The following GDF5 variants were observed in gnomAD, a reference collection of about 807,000 sequenced individuals.
The protein encoded by GDF5 is growth differentiation factor 5.
GDF5 carries 17 observed loss-of-function variants against 34.6 expected under a neutral mutation model. The observed-to-expected ratio is 0.49, with a 90% CI of 0.34 to 0.74. The LOEUF is 0.74. Ranked by LOEUF, GDF5 falls within the 30% of genes least tolerant of loss-of-function variation. The pLI is 0.01. For missense variants in GDF5, 616 were observed against 661.2 expected (o/e 0.93, Z 0.75); for synonymous variants, 332 against 290.7 (o/e 1.14, Z -1.44).
At chr20:35,441,799 C>A (rs1467429530), upstream of GDF5, among the ~76,000 whole-genome samples, 1 of 151,996 alleles carries the variant, frequency 6.6e-6, no homozygotes, top group Non-Finnish European at 1.5e-5. Context: ...CAACTAGACT[C>A]TGGGTTTTGT....
Position 35,434,312 on chromosome 20 carries a change from G to T in GDF5, c.1103C>A (p.Thr368Asn). The T allele has an allele frequency of 1.2e-6, 2 of 1,614,152 alleles. No homozygotes were observed. The highest frequency in any genetic ancestry group is 1.7e-6 in the Non-Finnish European group (2 of 1,180,040). The change falls in exon 2 of 2, where the codon ACC becomes AAC. Residue 368 changes from threonine to asparagine, a missense_variant. By Grantham distance (65) the Thr-to-Asn change is moderately conservative (BLOSUM62 0). Coordinates refer to ENST00000374369, the MANE Select transcript of GDF5 (RefSeq NM_000557.5). ...IKARSGQDDKTVYEYLFSQRR... is the reference protein window; with the variant it reads ...IKARSGQDDKNVYEYLFSQRR... ...CTGGCTGAACAGGTACTCATACACG[G>T]TCTTATCGTCCTGGCCAGAGCGGGC... is the stretch of plus-strand genomic sequence containing the variant.
chr20:35,439,982 T>A (rs2062492723), upstream of GDF5, among the ~76,000 whole-genome samples: 1 of 132,500 alleles, frequency 7.5e-6, no homozygotes, highest in Non-Finnish European at 1.6e-5. Flanking sequence ...AGTGGTGCGA[T>A]CTTGGCTCAC....
chr20:35,450,645 C>T (rs1292799195), intron 1 of GDF5, among the ~76,000 whole-genome samples: 1 of 152,112 alleles, frequency 6.6e-6, no homozygotes, highest in Non-Finnish European at 1.5e-5. Flanking sequence ...TGGCCCCTCT[C>T]CTGCAGTTCC....
intron 1 of GDF5, among the ~76,000 whole-genome samples, chr20:35,449,079 C>T (rs1404576214): frequency 6.6e-6 from 1 of 152,194 alleles, no homozygotes; most frequent in African/African-American, 2.4e-5. Flanking sequence ...TAGCATGCTG[C>T]TGTGCCTTTG....
At position 35,438,222 on chromosome 20, in the gene GDF5, C is replaced by A; in HGVS notation, c.-294G>T. ...AAAGCCGACCGCCCCCTTTCTCCTGCACAACTGACTGAGGGCTTGAAGGAG... is the reference window on the plus strand; with the variant it reads ...AAAGCCGACCGCCCCCTTTCTCCTGAACAACTGACTGAGGGCTTGAAGGAG... On this transcript the variant is annotated 5_prime_UTR_variant, in exon 1 of 2. Transcript: ENST00000374369. 3 of 477,018 alleles carry A rather than the reference C, an allele frequency of 6.3e-6. No homozygotes were observed. Among genetic ancestry groups the A allele is most frequent in the Non-Finnish European group, 1.2e-5 (3 of 260,152 alleles). 29.5% of individuals were successfully genotyped at this position (477,018 alleles called of 1,614,324 possible).
At position 35,434,414 on chromosome 20, in the gene GDF5, C is replaced by T. The variant is rs199576926; in HGVS notation, c.1001G>A (p.Arg334Gln). 2.5e-6 allele frequency: 4 copies of T among 1,613,460 alleles called. No homozygotes were observed. The highest frequency in any genetic ancestry group is 2.2e-5 in the East Asian group (1 of 44,886). Residue 334 changes from arginine (R) to glutamine (Q), a missense_variant, in exon 2 of 2, where the codon CGG (arginine) becomes CAG (glutamine). By Grantham distance (43) the Arg-to-Gln change is conservative. Transcript: ENST00000374369. ...LRGLGFDRAARQVHEKALFLV... is the reference protein window; with the variant it reads ...LRGLGFDRAAQQVHEKALFLV... ...GAACAGGGCTTTCTCGTGGACCTGC[C>T]GGGCGGCGCGGTCGAAGCCCAGGCC...
chr20:35,443,967 G>A (rs1463302238), intron 1 of GDF5, among the ~76,000 whole-genome samples: 1 of 152,142 alleles, frequency 6.6e-6, no homozygotes, highest in Non-Finnish European at 1.5e-5. Flanking sequence ...CTCTCCGGGA[G>A]TCAGTCCTGC....
chr20:35,434,274 G>T lies in GDF5; in HGVS notation c.1141C>A (p.Arg381=). ...CCCTGGCGAGTGGCCAGTGGGGCCCGCCGTTTTCGCCGCTGGCTGAACAGG... is the reference window on the plus strand; with the variant it reads ...CCCTGGCGAGTGGCCAGTGGGGCCCTCCGTTTTCGCCGCTGGCTGAACAGG... ...EYLFSQRRKR[R]APLATRQGKR... The change falls in exon 2 of 2, where the codon CGG becomes AGG. Residue 381 remains arginine (R), a synonymous_variant. Coordinates refer to ENST00000374369, the MANE Select transcript of GDF5 (RefSeq NM_000557.5). 1 of 1,614,154 alleles carries T rather than the reference G, an allele frequency of 6.2e-7. No homozygotes were observed. Among genetic ancestry groups the T allele is most frequent in the Non-Finnish European group, 8.5e-7 (1 of 1,180,038 alleles).
rs2062453492 is a variant in GDF5, at chr20:35,433,777, G to T, written c.*132C>A. 2.4e-6 allele frequency: 2 copies of T among 830,826 alleles called. No individual in the cohort carries two copies. Among genetic ancestry groups the T allele is most frequent in the Non-Finnish European group, 4.2e-6 (2 of 476,800 alleles). 51.5% of individuals were successfully genotyped at this position (830,826 alleles called of 1,614,324 possible). The stretch of plus-strand genomic sequence containing the variant: ...CAAGTCACACTCAGAGAGCGAGCAA[G>T]CTTATTGGAATCCCCTTTCACCCAA... On this transcript the variant is annotated 3_prime_UTR_variant, in exon 2 of 2. Coordinates refer to ENST00000374369, the MANE Select transcript of GDF5 (RefSeq NM_000557.5).
Position 35,443,286 on chromosome 20 carries a change from A to G in GDF5, c.-397-1899T>C, listed in dbSNP as rs552793824. On this transcript the variant is annotated intron_variant, in intron 1 of 3. Transcript: ENST00000374372. ...CCGACATGTTTAATTACTGGGACAC[A>G]GCGTCCCTGGGTCCCCCGTGTCCCC... Among the ~76,000 whole-genome samples the G allele has an allele frequency of 1.8e-3, 269 of 152,230 alleles. No homozygotes were observed. In the Middle Eastern group the frequency reaches 0.02, roughly 12 times the overall value.
At chr20:35,442,537 C>CTTTT (rs57668486), upstream of GDF5, among the ~76,000 whole-genome samples, 3 of 118,920 alleles carry the variant, frequency 2.5e-5, no homozygotes, top group Admixed American at 9.8e-5. Flanking sequence ...TGATACCCGT[C>CTTTT]TTTTTTTTTT....
intron 1 of GDF5, among the ~76,000 whole-genome samples, chr20:35,445,596 G>A (rs548940231): frequency 2.0e-5 from 3 of 152,108 alleles, no homozygotes; most frequent in East Asian, 3.9e-4. Flanking sequence ...CCCAGGAAGC[G>A]GAGGTTGCAG....
intron 1 of GDF5, among the ~76,000 whole-genome samples, chr20:35,443,303 C>T (rs1226279072): frequency 1.3e-5 from 2 of 152,056 alleles, no homozygotes; most frequent in Non-Finnish European, 2.9e-5. Flanking sequence ...CTGGGTCCCC[C>T]GTGTCCCCCA....
upstream of GDF5, chr20:35,441,359 C>G (rs1185948151): frequency 2.0e-5 from 3 of 151,988 alleles, no homozygotes; most frequent in African/African-American, 7.3e-5. Flanking sequence ...CAAGACCATC[C>G]TGGCTAACAT....
At chr20:35,436,182 A>G (rs224333) in intron 1 of GDF5, among the ~76,000 whole-genome samples, 72,472 of 151,984 alleles carry the variant, frequency 0.48, 21,150 homozygotes, top group East Asian at 0.72. Flanking sequence ...TAAACTCCCC[A>G]TCTCCCCCTC....
chr20:35,438,384 A>ACACACACACACT, upstream of GDF5: 1 of 189,744 alleles, frequency 5.3e-6, no homozygotes, highest in East Asian at 1.3e-4. Flanking sequence ...ACACACACAC[A>ACACACACACACT]CACACACTCA....
intron 1 of GDF5, chr20:35,454,029 T>A (rs987350330): frequency 1.9e-6 from 1 of 534,070 alleles, no homozygotes; most frequent in African/African-American, 1.9e-5. Context: ...GTTTAGGGAT[T>A]CTCTGGGGGT....
chr20:35,434,889 C>T (rs779952506), intron 1 of GDF5, 106 bp from the exon 2 acceptor site: 1 of 1,144,054 alleles, frequency 8.7e-7, no homozygotes, highest in Non-Finnish European at 1.3e-6. Context: ...AGAGAGCTTT[C>T]TTTCACCTCT....
In GDF5 at chr20:35,433,756, T is replaced by C. The variant is rs1030561553; in HGVS notation, c.*153A>G. ...GATAAAAGGGGGCCTTTAGCCCAAG[T>C]CACACTCAGAGAGCGAGCAAGCTTA... On this transcript the variant is annotated 3_prime_UTR_variant, in exon 2 of 2. Coordinates refer to ENST00000374369, the MANE Select transcript of GDF5 (RefSeq NM_000557.5). 48 of 765,382 alleles carry C rather than the reference T, an allele frequency of 6.3e-5. No homozygotes were observed. In the Admixed American group the frequency reaches 8.8e-4, roughly 14 times the overall value. 47.4% of individuals were successfully genotyped at this position (765,382 alleles called of 1,614,324 possible). A position where few individuals can be genotyped will look rare whatever the true frequency, so the allele number is the denominator to read the frequency against.
Sources: allele counts gnomAD v4.1 joint callset (sites outside exome capture counted in the v4.1 genomes callset), GRCh38; gene constraint gnomAD v4.1.1; transcripts MANE v1.5; gene names NCBI Gene and HGNC (gene_info 2026-07-23, HGNC 2026-07-21).